Variants in TESC observed in about 807,000 individuals in gnomAD.
TESC encodes calcineurin B homologous protein 3.
In TESC, 19 loss-of-function variants were observed where a neutral mutation model predicts 31.0. The ratio of observed to expected loss-of-function variants is 0.61; its 90% CI spans 0.43 to 0.90. TESC has a LOEUF of 0.90. Ranked by LOEUF, TESC falls within the 40% of genes least tolerant of loss-of-function variation. The pLI, the probability that TESC is intolerant of heterozygous loss-of-function variation, is 0.00. For synonymous variants in TESC, 109 were observed against 114.8 expected (o/e 0.95, Z 0.32); for missense variants, 248 against 303.8 (o/e 0.82, Z 1.36).
Position 117,058,049 on chromosome 12 carries a change from A to G in TESC, c.129-1163T>C, listed in dbSNP as rs1165685719. 2.0e-5 allele frequency among the ~76,000 whole-genome samples: 3 copies of G among 152,118 alleles called. No individual in the cohort carries two copies. The East Asian group carries it at 5.8e-4, about 29-fold the overall frequency. ...AGCCTGGCCAACATGGTGAAACCCC[A>G]TCTCTACTAAAAATACAAAAATTAC... On this transcript the variant is annotated intron_variant, in intron 2 of 7. Transcript: ENST00000335209.
intron 2 of TESC, among the ~76,000 whole-genome samples, chr12:117,068,636 G>A (rs987513332): frequency 4.6e-5 from 7 of 152,218 alleles, no homozygotes; most frequent in Admixed American, 2.0e-4. Context: ...GGGGCTGCAC[G>A]TTGGTGGCAT....
intron 1 of TESC, among the ~76,000 whole-genome samples, chr12:117,077,947 C>T (rs560952678): frequency 1.3e-5 from 2 of 150,882 alleles, no homozygotes; most frequent in Non-Finnish European, 2.9e-5. Flanking sequence ...TATATCACGA[C>T]AAAACATTTA....
intron 7 of TESC, among the ~76,000 whole-genome samples, chr12:117,040,305 C>T (rs1954463300): frequency 6.6e-6 from 1 of 152,242 alleles, no homozygotes; most frequent in Non-Finnish European, 1.5e-5. Context: ...TGGACACTCA[C>T]GGTGGTTTCT....
intron 1 of TESC, chr12:117,098,437 G>A (rs1161325701): frequency 6.6e-6 from 1 of 152,382 alleles, no homozygotes; most frequent in Non-Finnish European, 1.5e-5. Context: ...CACAGCCAGA[G>A]GCAGAACTGG....
intron 1 of TESC, among the ~76,000 whole-genome samples, chr12:117,077,384 G>A (rs946743171): frequency 6.6e-6 from 1 of 152,212 alleles, no homozygotes. Context: ...TGTCAGCAAG[G>A]ACACTGGCTA....
intron 1 of TESC, among the ~76,000 whole-genome samples, chr12:117,075,667 GT>G (rs1455150488): frequency 2.7e-5 from 4 of 150,924 alleles, no homozygotes; most frequent in African/African-American, 7.3e-5. Context: ...GAGAAACTTT[GT>G]TTTCTGTGGC....
At chr12:117,060,228 T>C (rs1954783942) in intron 2 of TESC, among the ~76,000 whole-genome samples, 1 of 152,310 alleles carries the variant, frequency 6.6e-6, no homozygotes, top group East Asian at 1.9e-4. Flanking sequence ...TACTGCACTA[T>C]GACTCCATTT....
intron 6 of TESC, among the ~76,000 whole-genome samples, chr12:117,044,710 A>G (rs1308291855): frequency 6.6e-6 from 1 of 152,226 alleles, no homozygotes; most frequent in African/African-American, 2.4e-5. Context: ...CCAGCTGGCC[A>G]GCATGGTGAA....
intron 2 of TESC, among the ~76,000 whole-genome samples, chr12:117,072,593 T>C (rs1954989341): frequency 6.6e-6 from 1 of 152,318 alleles, no homozygotes; most frequent in Non-Finnish European, 1.5e-5. Context: ...CCACCCAAAG[T>C]TGGATGGATC....
intron 1 of TESC, among the ~76,000 whole-genome samples, chr12:117,091,688 C>T (rs1003953773): frequency 1.3e-4 from 20 of 152,204 alleles, no homozygotes; most frequent in African/African-American, 4.8e-4. Flanking sequence ...TCCTCCCAGC[C>T]GTGGTCCCCA....
At chr12:117,047,387 G>C (rs768517805) in intron 4 of TESC, among the ~76,000 whole-genome samples, 10 of 151,898 alleles carry the variant, frequency 6.6e-5, no homozygotes, top group Non-Finnish European at 1.0e-4. Context: ...TTGGGAGCTG[G>C]AGCTCTCCCA....
At chr12:117,053,004 C>T (rs986312310) in intron 3 of TESC, among the ~76,000 whole-genome samples, 1 of 152,222 alleles carries the variant, frequency 6.6e-6, no homozygotes, top group African/African-American at 2.4e-5. Flanking sequence ...GTGGTCTCAG[C>T]CACCCACACC....
intron 1 of TESC, 31 bp downstream of exon 1, chr12:117,099,194 G>A (rs908951134): frequency 9.9e-5 from 146 of 1,476,908 alleles, no homozygotes; most frequent in Non-Finnish European, 1.2e-4. Flanking sequence ...GTCCCGCCCC[G>A]GTCCCCGCGC....
intron 2 of TESC, among the ~76,000 whole-genome samples, chr12:117,066,680 CTCA>C (rs1218172852): frequency 1.3e-5 from 2 of 152,124 alleles, no homozygotes; most frequent in Non-Finnish European, 2.9e-5. Flanking sequence ...TAGTATATTG[CTCA>C]TGTTATAGCA....
At chr12:117,048,546 G>C (rs1420259168) in intron 4 of TESC, 1 of 373,088 alleles carries the variant, frequency 2.7e-6, no homozygotes, top group Non-Finnish European at 5.3e-6. Context: ...AGTGGGGCTG[G>C]TCTCAGGAAC....
chr12:117,057,882 C>A (rs561972112), intron 2 of TESC, among the ~76,000 whole-genome samples: 49 of 152,182 alleles, frequency 3.2e-4, no homozygotes, highest in Admixed American at 1.4e-3. Flanking sequence ...AAAAAGGAAC[C>A]AAGTACTGAT....
intron 2 of TESC, among the ~76,000 whole-genome samples, chr12:117,066,690 A>G (rs1194780466): frequency 6.6e-6 from 1 of 152,108 alleles, no homozygotes; most frequent in African/African-American, 2.4e-5. Flanking sequence ...CTCATGTTAT[A>G]GCATGAACTG....
chr12:117,068,005 C>T (rs941910542), intron 2 of TESC, among the ~76,000 whole-genome samples: 1 of 152,312 alleles, frequency 6.6e-6, no homozygotes, highest in East Asian at 1.9e-4. Context: ...AATCTTCCCA[C>T]CTCAGCCTCC....
At chr12:117,044,204 T>C (rs949188735) in intron 6 of TESC, among the ~76,000 whole-genome samples, 1 of 152,040 alleles carries the variant, frequency 6.6e-6, no homozygotes, top group Non-Finnish European at 1.5e-5. Context: ...ATGGAAGCCG[T>C]AGTGAGCTAT....
Sources: gnomAD v4.1 joint callset for allele counts (sites outside exome capture counted in the v4.1 genomes callset) on GRCh38, gnomAD v4.1.1 for gene constraint, MANE v1.5 for transcripts, NCBI Gene and HGNC (gene_info 2026-07-23, HGNC 2026-07-21) for gene names.